TOLLIP: variants seen among roughly 807,000 people sequenced by gnomAD.
The protein encoded by TOLLIP is toll-interacting protein.
Under a neutral mutation model 33.5 loss-of-function variants are expected in TOLLIP, and 16 were observed. The ratio of observed to expected loss-of-function variants is 0.48; its 90% CI spans 0.32 to 0.72. TOLLIP has a LOEUF of 0.72. Among genes scored for constraint, TOLLIP ranks in the 30% least tolerant of loss-of-function variants. The pLI, the probability that TOLLIP is intolerant of heterozygous loss-of-function variation, is 0.03. For synonymous variants in TOLLIP, 176 were observed against 163.7 expected, an observed-to-expected ratio of 1.07 and a Z score of -0.57; for missense variants, 325 against 396.6, an observed-to-expected ratio of 0.82 and a Z score of 1.53.
intron 1 of TOLLIP, among the ~76,000 whole-genome samples, chr11:1,298,976 C>T (rs1445561169): frequency 2.0e-5 from 3 of 152,222 alleles, no homozygotes; most frequent in Admixed American, 6.5e-5. Context: ...AAACGCAAGG[C>T]AGGGTGCTGG....
At chr11:1,279,157 G>C (rs1367321538) in intron 5 of TOLLIP, among the ~76,000 whole-genome samples, 1 of 152,248 alleles carries the variant, frequency 6.6e-6, no homozygotes, top group Admixed American at 6.5e-5. Flanking sequence ...GGGGTGTCCC[G>C]AGAAACCTGC....
intron 1 of TOLLIP, chr11:1,302,920 A>T (rs1367822572): frequency 3.1e-6 from 1 of 321,742 alleles, no homozygotes. Flanking sequence ...GGCCTTCCTC[A>T]GACAGGGCTT....
intron 1 of TOLLIP, among the ~76,000 whole-genome samples, chr11:1,308,299 G>A (rs534122111): frequency 6.6e-6 from 1 of 152,334 alleles, no homozygotes; most frequent in South Asian, 2.1e-4. Flanking sequence ...GGTCATTACA[G>A]TGTGTGGCAC....
rs1041032912 is a variant in TOLLIP at position 1,278,157 on chromosome 11, C to T, written c.611-904G>A. The stretch of plus-strand genomic sequence containing the variant: ...GCCTGGTGGCCGCTCCCTAAAACCA[C>T]GAGCAGCCCTGAGCACAGGCAGCGT... On this transcript the variant is annotated intron_variant, in intron 5 of 5. Transcript: ENST00000317204. The surrounding 1 kb of genome is among the most constrained non-coding windows in gnomAD (Gnocchi z 4.7). Among the ~76,000 whole-genome samples the T allele has an allele frequency of 3.3e-5, 5 of 152,174 alleles. No homozygotes were observed. The South Asian group carries it at 6.2e-4, about 19-fold the overall frequency.
chr11:1,275,515 G>A lies in TOLLIP; in HGVS notation c.*1524C>T, dbSNP rs1003864121. The A allele has an allele frequency of 2.6e-5, 4 of 152,198 alleles. No homozygotes were observed. The highest frequency in any genetic ancestry group is 7.2e-5 in the African/African-American group (3 of 41,440). 9.4% of individuals were successfully genotyped at this position (152,198 alleles called of 1,614,324 possible). ...TCCCAGGGGCCCCTCCGTCTGAGTG[G>A]TCGGCGTCTGCTGAACAAATACCAT... On this transcript the variant is annotated 3_prime_UTR_variant, in exon 6 of 6. Coordinates refer to ENST00000317204, the MANE Select transcript of TOLLIP (RefSeq NM_019009.4).
chr11:1,293,871 C>A (rs1180229221), intron 2 of TOLLIP, among the ~76,000 whole-genome samples: 5 of 152,230 alleles, frequency 3.3e-5, no homozygotes, highest in African/African-American at 1.2e-4. Flanking sequence ...CGGGAGTTCA[C>A]TGGGTGGGCA....
At chr11:1,282,566 G>A (rs1045402533) in intron 5 of TOLLIP, among the ~76,000 whole-genome samples, 9 of 151,760 alleles carry the variant, frequency 5.9e-5, no homozygotes, top group African/African-American at 1.7e-4. Flanking sequence ...CATGGCACAC[G>A]GATACATATG....
In TOLLIP at chr11:1,276,930, G is replaced by A. The variant is rs1863325978; in HGVS notation, c.*109C>T. The A allele has an allele frequency of 6.3e-7, 1 of 1,574,998 alleles. No individual in the cohort carries two copies. Among genetic ancestry groups the A allele is most frequent in the Non-Finnish European group, 8.6e-7 (1 of 1,159,608 alleles). ...GGCGGCACAGAAGTCCACGGGAGGG[G>A]GCGACACGGGTGCTCTTTCACGGGA... On this transcript the variant is annotated 3_prime_UTR_variant, in exon 6 of 6. Coordinates refer to ENST00000317204, the MANE Select transcript of TOLLIP (RefSeq NM_019009.4).
At chr11:1,279,142 G>A (rs1226351409) in intron 5 of TOLLIP, among the ~76,000 whole-genome samples, 1 of 152,252 alleles carries the variant, frequency 6.6e-6, no homozygotes, top group African/African-American at 2.4e-5. Flanking sequence ...GCGACGTCAC[G>A]GCCTGGGGTG....
intron 1 of TOLLIP, among the ~76,000 whole-genome samples, chr11:1,304,091 C>T (rs1341366136): frequency 1.3e-5 from 2 of 149,584 alleles, no homozygotes; most frequent in Admixed American, 6.6e-5. Flanking sequence ...CCAGAAGCAG[C>T]GTATTCAGAA....
intron 4 of TOLLIP, among the ~76,000 whole-genome samples, chr11:1,288,218 T>G (rs974137281): frequency 6.6e-6 from 1 of 152,088 alleles, no homozygotes; most frequent in Non-Finnish European, 1.5e-5. Context: ...GCCTGCCCTG[T>G]GGGGAGGAGC....
At chr11:1,283,654 G>A in intron 5 of TOLLIP, 1 of 444,930 alleles carries the variant, frequency 2.2e-6, no homozygotes, top group Non-Finnish European at 4.5e-6. Context: ...ACGTTTTAGA[G>A]CAAACTTGAA....
intron 5 of TOLLIP, among the ~76,000 whole-genome samples, chr11:1,279,160 A>T (rs1863409613): frequency 6.6e-6 from 1 of 152,246 alleles, no homozygotes; most frequent in Non-Finnish European, 1.5e-5. Flanking sequence ...GTGTCCCGAG[A>T]AACCTGCTCT....
In TOLLIP at chr11:1,275,683, C is replaced by A. The variant is rs1863274618; in HGVS notation, c.*1356G>T. ...TTATCAACAGTATATTTGACAAAAA[C>A]CACCCCCAATCGATGGCAGAAAGCA... On this transcript the variant is annotated 3_prime_UTR_variant, in exon 6 of 6. Transcript: ENST00000317204. 6.6e-6 allele frequency: 1 copy of A among 152,176 alleles called. No homozygotes were observed. The highest frequency in any genetic ancestry group is 2.4e-5 in the African/African-American group (1 of 41,436). 9.4% of individuals were successfully genotyped at this position (152,176 alleles called of 1,614,324 possible). A position where few individuals can be genotyped will look rare whatever the true frequency, so the allele number is the denominator to read the frequency against.
In TOLLIP at chr11:1,277,347, G is replaced by A. The variant is rs568701008; in HGVS notation, c.611-94C>T. On this transcript the variant is annotated intron_variant, in intron 5 of 5. Coordinates refer to ENST00000317204, the MANE Select transcript of TOLLIP (RefSeq NM_019009.4). The surrounding 1 kb of genome is among the most constrained non-coding windows in gnomAD (Gnocchi z 4.2). ...AAGGAAGAAAACAACGCATCCCACC[G>A]GCCTCCCTGAGGAAGGGGCCACCTC... 2.5e-5 allele frequency: 27 copies of A among 1,087,174 alleles called. No homozygotes were observed. Among genetic ancestry groups the A allele is most frequent in the Middle Eastern group, 3.1e-4 (1 of 3,254 alleles). The allele number at this position is 1,087,174 out of a possible 1,614,324, so 67.3% of individuals were successfully genotyped here. A position where few individuals can be genotyped will look rare whatever the true frequency, so the allele number is the denominator to read the frequency against.
At position 1,275,000 on chromosome 11, in the gene TOLLIP, G is replaced by T. The variant is rs573996938; in HGVS notation, c.*2039C>A. ...ATAAAGCATAAAATGAAGGAAAGAAGAATCTTATTTAATTAAAGGCCTTGC... is the reference window on the plus strand; with the variant it reads ...ATAAAGCATAAAATGAAGGAAAGAATAATCTTATTTAATTAAAGGCCTTGC... On this transcript the variant is annotated 3_prime_UTR_variant, in exon 6 of 6. Coordinates refer to ENST00000317204, the MANE Select transcript of TOLLIP (RefSeq NM_019009.4). 9 of 152,150 alleles carry T rather than the reference G, an allele frequency of 5.9e-5. No homozygotes were observed. In the East Asian group the frequency reaches 1.7e-3, roughly 29 times the overall value. The allele number at this position is 152,150 out of a possible 1,614,324, so 9.4% of individuals were successfully genotyped here.
At chr11:1,298,036 C>T (rs921764889) in intron 1 of TOLLIP, 8 of 152,356 alleles carry the variant, frequency 5.3e-5, no homozygotes, top group African/African-American at 1.7e-4. Flanking sequence ...CCCACAGGGC[C>T]CTGGCACAGC....
Position 1,301,889 on chromosome 11 carries a change from G to A in TOLLIP, c.34-6095C>T, listed in dbSNP as rs1254613214. ...AGTAGGAACATCTAGGGATATGGGC[G>A]GAAGTCAGTCTCAAAGCCTCTTGGG... On this transcript the variant is annotated intron_variant, in intron 1 of 5. Transcript: ENST00000317204. Among the ~76,000 whole-genome samples the A allele has an allele frequency of 3.3e-5, 5 of 152,248 alleles. No individual in the cohort carries two copies. In the South Asian group the frequency reaches 1.0e-3, roughly 31 times the overall value.
At chr11:1,307,085 G>C (rs1864439655) in intron 1 of TOLLIP, among the ~76,000 whole-genome samples, 1 of 152,152 alleles carries the variant, frequency 6.6e-6, no homozygotes, top group African/African-American at 2.4e-5. Context: ...CCAGTGGCAG[G>C]AACCACCTGG....
Sources: allele counts gnomAD v4.1 joint callset (sites outside exome capture counted in the v4.1 genomes callset), GRCh38; gene constraint gnomAD v4.1.1; non-coding constraint Gnocchi (gnomAD v3.1); transcripts MANE v1.5; gene names NCBI Gene and HGNC (gene_info 2026-07-23, HGNC 2026-07-21).